The following SPMAP2L variants were observed in gnomAD, a reference collection of about 807,000 sequenced individuals.
The protein encoded by SPMAP2L is sperm microtubule associated protein 2-like.
At chr4:56,537,192 A>G in the SPMAP2L span, among the ~76,000 whole-genome samples, 1 of 152,086 alleles carries the variant, frequency 6.6e-6, no homozygotes, top group Non-Finnish European at 1.5e-5. Context: ...TCTCCTTCTC[A>G]GGCTCCTTTG....
At chr4:56,600,855 T>C in the SPMAP2L span, 17 of 1,358,830 alleles carry the variant, frequency 1.3e-5, no homozygotes, top group African/African-American at 2.3e-4. Flanking sequence ...TGATTGTGAC[T>C]TAAGTAGGGA....
the SPMAP2L span, among the ~76,000 whole-genome samples, chr4:56,626,068 CCT>C: frequency 6.6e-6 from 1 of 152,278 alleles, no homozygotes; most frequent in Admixed American, 6.5e-5. Context: ...ACATTGGATA[CCT>C]CTCAACACAG....
At chr4:56,573,404 G>C in the SPMAP2L span, among the ~76,000 whole-genome samples, 2 of 152,156 alleles carry the variant, frequency 1.3e-5, no homozygotes, top group Admixed American at 1.3e-4. Context: ...CCACCTGAGA[G>C]AATGTTGAGT....
At chr4:56,545,212 T>TA in the SPMAP2L span, among the ~76,000 whole-genome samples, 1 of 152,220 alleles carries the variant, frequency 6.6e-6, no homozygotes, top group African/African-American at 2.4e-5. Flanking sequence ...AAAGCTCTGA[T>TA]ACAACTATGC....
the SPMAP2L span, among the ~76,000 whole-genome samples, chr4:56,547,499 G>T: frequency 6.6e-6 from 1 of 152,134 alleles, no homozygotes. Context: ...GCCTGCCTTG[G>T]CCTCCCAAAG....
the SPMAP2L span, among the ~76,000 whole-genome samples, chr4:56,534,982 A>G: frequency 3.3e-5 from 5 of 151,958 alleles, no homozygotes; most frequent in South Asian, 2.1e-4. Flanking sequence ...GTGCCCACCA[A>G]TGAAGTCTTC....
At chr4:56,599,321 C>T in the SPMAP2L span, among the ~76,000 whole-genome samples, 1 of 152,066 alleles carries the variant, frequency 6.6e-6, no homozygotes, top group Non-Finnish European at 1.5e-5. Context: ...GCAGCTGTGA[C>T]CACAGACATG....
At chr4:56,592,776 C>G in the SPMAP2L span, among the ~76,000 whole-genome samples, 107,002 of 151,936 alleles carry the variant, frequency 0.7, 38,117 homozygotes, top group African/African-American at 0.8. Flanking sequence ...AGCAGCAGTG[C>G]CGGCGGGGAC....
chr4:56,619,690 C>T, the SPMAP2L span, among the ~76,000 whole-genome samples: 2 of 152,000 alleles, frequency 1.3e-5, no homozygotes, highest in African/African-American at 4.8e-5. Flanking sequence ...ACGTCAAAAG[C>T]ATAGGCAACA....
At chr4:56,541,875 C>A in the SPMAP2L span, among the ~76,000 whole-genome samples, 2 of 152,130 alleles carry the variant, frequency 1.3e-5, no homozygotes, top group African/African-American at 2.4e-5. Flanking sequence ...GTCTTGAACT[C>A]CTGATCTCAA....
chr4:56,620,372 A>G, the SPMAP2L span, among the ~76,000 whole-genome samples: 1 of 150,696 alleles, frequency 6.6e-6, no homozygotes, highest in Non-Finnish European at 1.5e-5. Context: ...TAAAGGAAAC[A>G]AAATAGCCTT....
chr4:56,615,925 G>A, the SPMAP2L span, among the ~76,000 whole-genome samples: 1 of 152,116 alleles, frequency 6.6e-6, no homozygotes, highest in Non-Finnish European at 1.5e-5. Flanking sequence ...ACTCGGATGG[G>A]TGCTGCTCAA....
the SPMAP2L span, among the ~76,000 whole-genome samples, chr4:56,609,110 C>A: frequency 7.0e-6 from 1 of 143,636 alleles, no homozygotes; most frequent in East Asian, 2.0e-4. Context: ...AGTGCAGTGG[C>A]GTGATCTTGG....
At chr4:56,536,190 G>A in the SPMAP2L span, among the ~76,000 whole-genome samples, 153 of 152,334 alleles carry the variant, frequency 1.0e-3, 5 homozygotes, top group East Asian at 0.026. Context: ...CTGCTCTAAA[G>A]TCCTTAGCAG....
chr4:56,586,122 T>C, the SPMAP2L span, among the ~76,000 whole-genome samples: 1 of 152,314 alleles, frequency 6.6e-6, no homozygotes, highest in Admixed American at 6.5e-5. Flanking sequence ...CTTGGGTGTC[T>C]GAAATGGTGG....
At chr4:56,552,045 C>T in the SPMAP2L span, among the ~76,000 whole-genome samples, 3 of 152,188 alleles carry the variant, frequency 2.0e-5, no homozygotes, top group Non-Finnish European at 2.9e-5. Context: ...GGCACAAACT[C>T]TCTCTGCTGC....
the SPMAP2L span, among the ~76,000 whole-genome samples, chr4:56,551,712 T>C: frequency 1.3e-5 from 2 of 152,184 alleles, no homozygotes; most frequent in Non-Finnish European, 2.9e-5. Context: ...ATAGGTGGTG[T>C]ATTAGTCTGC....
At chr4:56,563,608 A>T in the SPMAP2L span, among the ~76,000 whole-genome samples, 4 of 152,168 alleles carry the variant, frequency 2.6e-5, no homozygotes, top group African/African-American at 9.7e-5. Context: ...CAGATAAAAT[A>T]CCAGTTTAAG....
chr4:56,585,674 C>CT, the SPMAP2L span, among the ~76,000 whole-genome samples: 6 of 152,184 alleles, frequency 3.9e-5, no homozygotes, highest in Non-Finnish European at 8.8e-5. Context: ...GAACTTACCA[C>CT]TTTCTTTTCT....
Sources: gnomAD v4.1 joint callset for allele counts (sites outside exome capture counted in the v4.1 genomes callset) on GRCh38, gnomAD v4.1.1 for gene constraint, MANE v1.5 for transcripts, NCBI Gene and HGNC (gene_info 2026-07-23, HGNC 2026-07-21) for gene names.